Variants in PLEKHA5 observed in about 807,000 individuals in gnomAD.
PLEKHA5 encodes pleckstrin homology domain-containing family A member 5.
PLEKHA5 carries 55 observed loss-of-function variants against 181.9 expected under a neutral mutation model. The observed-to-expected ratio is 0.30, with a 90% CI of 0.24 to 0.38. The LOEUF (loss-of-function observed/expected upper bound fraction) is 0.38. Among genes scored for constraint, PLEKHA5 ranks in the 10% least tolerant of loss-of-function variants. PLEKHA5 has a pLI of 1.00. For missense variants in PLEKHA5, 1,432 were observed against 1,549.5 expected (o/e 0.92, Z 1.27); for synonymous variants, 535 against 529.4 (o/e 1.01, Z -0.15).
At chr12:19,263,970 A>G (rs1225801678) in intron 7 of PLEKHA5, among the ~76,000 whole-genome samples, 2 of 152,230 alleles carry the variant, frequency 1.3e-5, no homozygotes, top group Non-Finnish European at 2.9e-5. Flanking sequence ...CAGTGCTTCC[A>G]TCAGGCTTGA....
chr12:19,227,135 T>C (rs111819421), intron 3 of PLEKHA5, among the ~76,000 whole-genome samples: 4,359 of 152,312 alleles, frequency 0.029, 100 homozygotes, highest in Non-Finnish European at 0.047. Context: ...ACTGGCTTTT[T>C]CATTTTAAAT....
intron 13 of PLEKHA5, 136 bp from the exon 14 acceptor site, chr12:19,290,541 T>A: frequency 1.6e-6 from 1 of 620,174 alleles, no homozygotes; most frequent in Non-Finnish European, 2.7e-6. Context: ...GGACCTATCA[T>A]CATAGTGCCT....
rs140710899 is a variant in PLEKHA5, at chr12:19,162,827, G to C, written c.227+30377G>C. On this transcript the variant is annotated intron_variant, in intron 3 of 31. Coordinates refer to ENST00000429027, the MANE Select transcript of PLEKHA5 (RefSeq NM_001256470.2). ...ATGAAAGTAAAGTGGTATAATTATG[G>C]GCGGTGATGGTGGTGGTAGAAAGTA... 2.6e-3 allele frequency among the ~76,000 whole-genome samples: 389 copies of C among 152,214 alleles called. 3 individuals carry two copies. The highest frequency in any genetic ancestry group is 9.0e-3 in the African/African-American group (372 of 41,524).
At chr12:19,256,281 C>T (rs1025652408) in intron 5 of PLEKHA5, among the ~76,000 whole-genome samples, 1 of 152,122 alleles carries the variant, frequency 6.6e-6, no homozygotes, top group Non-Finnish European at 1.5e-5. Flanking sequence ...AGCACACTAA[C>T]AACAGTATGG....
chr12:19,221,856 A>G (rs775246714), intron 3 of PLEKHA5, among the ~76,000 whole-genome samples: 1 of 152,218 alleles, frequency 6.6e-6, no homozygotes, highest in East Asian at 1.9e-4. Context: ...CATAGCCAAG[A>G]GAAGCCTAAG....
intron 8 of PLEKHA5, among the ~76,000 whole-genome samples, chr12:19,266,441 G>A (rs538122859): frequency 6.6e-6 from 1 of 151,878 alleles, no homozygotes; most frequent in Non-Finnish European, 1.5e-5. Flanking sequence ...ACAGGATCAC[G>A]CCACTGCAGT....
chr12:19,204,423 G>T (rs571022535), intron 3 of PLEKHA5, among the ~76,000 whole-genome samples: 2 of 152,180 alleles, frequency 1.3e-5, no homozygotes, highest in Admixed American at 1.3e-4. Flanking sequence ...GGCTGTACTA[G>T]ATCTGGATTT....
intron 25 of PLEKHA5, among the ~76,000 whole-genome samples, chr12:19,352,064 G>A (rs1293238943): frequency 1.9e-5 from 2 of 106,284 alleles, no homozygotes; most frequent in African/African-American, 3.9e-5. Context: ...CAACAAGAGC[G>A]AAACTCCATC....
At chr12:19,254,172 A>G (rs1042803415) in intron 4 of PLEKHA5, 149 bp downstream of exon 4, 28 of 629,112 alleles carry the variant, frequency 4.5e-5, no homozygotes, top group Non-Finnish European at 7.6e-5. Flanking sequence ...AATGTGTCAT[A>G]TAGAAACCTG....
At chr12:19,271,927 T>A (rs1456891047) in intron 10 of PLEKHA5, among the ~76,000 whole-genome samples, 3 of 152,246 alleles carry the variant, frequency 2.0e-5, no homozygotes, top group Non-Finnish European at 2.9e-5. Flanking sequence ...TCCCACTCTA[T>A]TAGATTTAGT....
intron 15 of PLEKHA5, among the ~76,000 whole-genome samples, chr12:19,304,262 G>A (rs1033819429): frequency 2.0e-5 from 3 of 152,086 alleles, no homozygotes; most frequent in East Asian, 1.9e-4. Context: ...AAAATTAGCC[G>A]GGCGTAGTAG....
intron 3 of PLEKHA5, among the ~76,000 whole-genome samples, chr12:19,173,480 A>T (rs528080345): frequency 6.6e-6 from 1 of 151,524 alleles, no homozygotes; most frequent in East Asian, 1.9e-4. Context: ...AATGTGCTCC[A>T]TTATCGGAGC....
intron 3 of PLEKHA5, among the ~76,000 whole-genome samples, chr12:19,216,124 C>T (rs975144146): frequency 1.3e-5 from 2 of 152,126 alleles, no homozygotes; most frequent in African/African-American, 4.8e-5. Context: ...AAAGAAGAGG[C>T]ATTTTGGTTT....
intron 16 of PLEKHA5, among the ~76,000 whole-genome samples, chr12:19,317,304 C>T (rs573028396): frequency 2.6e-5 from 4 of 151,386 alleles, no homozygotes; most frequent in South Asian, 4.2e-4. Context: ...ACTGTGATTA[C>T]GATTACACCA....
chr12:19,139,903 T>A (rs1295964981), intron 3 of PLEKHA5, among the ~76,000 whole-genome samples: 5 of 152,174 alleles, frequency 3.3e-5, no homozygotes, highest in African/African-American at 1.2e-4. Flanking sequence ...ACTTGGGGGA[T>A]GGGGTTGGTA....
At chr12:19,152,912 C>A (rs2040776861) in intron 3 of PLEKHA5, 1 of 151,830 alleles carries the variant, frequency 6.6e-6, no homozygotes, top group Non-Finnish European at 1.5e-5. Flanking sequence ...TGTAGCTTAC[C>A]TTCACATTCC....
At chr12:19,212,017 G>C (rs2057012311) in intron 3 of PLEKHA5, among the ~76,000 whole-genome samples, 1 of 152,084 alleles carries the variant, frequency 6.6e-6, no homozygotes, top group Admixed American at 6.6e-5. Flanking sequence ...ACTCCATTTT[G>C]GTTTGGTCTG....
At chr12:19,264,722 A>G (rs1298857909) in intron 7 of PLEKHA5, among the ~76,000 whole-genome samples, 1 of 152,216 alleles carries the variant, frequency 6.6e-6, no homozygotes, top group Non-Finnish European at 1.5e-5. Context: ...ATGTTTCACC[A>G]GATACTCTGG....
intron 6 of PLEKHA5, among the ~76,000 whole-genome samples, chr12:19,259,123 G>A (rs902193047): frequency 2.0e-5 from 3 of 151,656 alleles, no homozygotes; most frequent in Non-Finnish European, 4.4e-5. Flanking sequence ...TTGGGAGGCC[G>A]AGGCAGGAGA....
Sources: gnomAD v4.1 joint callset for allele counts (sites outside exome capture counted in the v4.1 genomes callset) on GRCh38, gnomAD v4.1.1 for gene constraint, MANE v1.5 for transcripts, NCBI Gene and HGNC (gene_info 2026-07-23, HGNC 2026-07-21) for gene names.